Variants in CSNK2A2IP observed in about 807,000 individuals in gnomAD.
The protein encoded by CSNK2A2IP is casein kinase 2 subunit alpha' interacting protein, also known as casein kinase II subunit alpha'-interacting protein.
chr3:88,358,486 T>C, the CSNK2A2IP span, among the ~76,000 whole-genome samples: 1 of 152,080 alleles, frequency 6.6e-6, no homozygotes, highest in Non-Finnish European at 1.5e-5. Context: ...GCCCCCATTG[T>C]TTTGAGGTGT....
At chr3:88,449,874 T>TATATAG in the CSNK2A2IP span, among the ~76,000 whole-genome samples, 61 of 70,108 alleles carry the variant, frequency 8.7e-4, 1 homozygote, top group African/African-American at 2.8e-3. Flanking sequence ...TATATATATA[T>TATATAG]AGAGAGAGAG....
At chr3:88,421,035 T>C in the CSNK2A2IP span, among the ~76,000 whole-genome samples, 1 of 152,166 alleles carries the variant, frequency 6.6e-6, no homozygotes, top group Non-Finnish European at 1.5e-5. Flanking sequence ...TTTAGAACCT[T>C]TCTCATTATC....
the CSNK2A2IP span, among the ~76,000 whole-genome samples, chr3:88,412,399 A>G: frequency 1.0e-3 from 154 of 152,074 alleles, 5 homozygotes; most frequent in African/African-American, 3.6e-3. Flanking sequence ...TCTTCCCTGG[A>G]CAAGGAGAGG....
chr3:88,408,967 A>C, the CSNK2A2IP span, among the ~76,000 whole-genome samples: 2 of 152,044 alleles, frequency 1.3e-5, no homozygotes, highest in African/African-American at 2.4e-5. Flanking sequence ...GAGACCATTG[A>C]AAAGGGGCCC....
chr3:88,463,153 G>GT, the CSNK2A2IP span, among the ~76,000 whole-genome samples: 1 of 152,094 alleles, frequency 6.6e-6, no homozygotes, highest in African/African-American at 2.4e-5. Context: ...GGGTTGGTAA[G>GT]TCATGGAAAC....
chr3:88,345,821 G>A, the CSNK2A2IP span, among the ~76,000 whole-genome samples: 2 of 151,862 alleles, frequency 1.3e-5, no homozygotes, highest in African/African-American at 4.8e-5. Context: ...TCAAATGAAA[G>A]GAAGAGCTGC....
chr3:88,350,545 CTGTCTGT>C, the CSNK2A2IP span, among the ~76,000 whole-genome samples: 1 of 150,584 alleles, frequency 6.6e-6, no homozygotes, highest in African/African-American at 2.4e-5. Context: ...CTTTATTGCA[CTGTCTGT>C]GCAATTGTTG....
chr3:88,466,322 C>T, the CSNK2A2IP span: 5 of 1,231,636 alleles, frequency 4.1e-6, no homozygotes, highest in South Asian at 4.1e-5. Context: ...CAGCTCAATT[C>T]TCAGTCAATG....
the CSNK2A2IP span, among the ~76,000 whole-genome samples, chr3:88,440,838 C>G: frequency 6.6e-6 from 1 of 152,012 alleles, no homozygotes; most frequent in Non-Finnish European, 1.5e-5. Context: ...TACATTCATC[C>G]GGTTACCTCA....
At chr3:88,360,380 G>A in the CSNK2A2IP span, among the ~76,000 whole-genome samples, 4 of 152,124 alleles carry the variant, frequency 2.6e-5, no homozygotes, top group Middle Eastern at 3.4e-3. Flanking sequence ...TGATCCACCC[G>A]CCTCGGCCTC....
At chr3:88,389,959 A>T in the CSNK2A2IP span, among the ~76,000 whole-genome samples, 1 of 152,006 alleles carries the variant, frequency 6.6e-6, no homozygotes, top group Non-Finnish European at 1.5e-5. Context: ...CAAGAAAATC[A>T]CCAGAATAGC....
At chr3:88,459,465 G>A in the CSNK2A2IP span, among the ~76,000 whole-genome samples, 8 of 151,766 alleles carry the variant, frequency 5.3e-5, no homozygotes, top group East Asian at 1.5e-3. Context: ...TCTAAATTAG[G>A]GTTTTAATAA....
chr3:88,448,625 G>C, the CSNK2A2IP span, among the ~76,000 whole-genome samples: 7 of 152,306 alleles, frequency 4.6e-5, no homozygotes, highest in Admixed American at 3.9e-4. Flanking sequence ...TAAATGTTTT[G>C]TGTAGCATTA....
the CSNK2A2IP span, among the ~76,000 whole-genome samples, chr3:88,340,266 G>A: frequency 1.3e-5 from 2 of 151,862 alleles, no homozygotes; most frequent in South Asian, 4.2e-4. Flanking sequence ...TGATTAAATT[G>A]GTTAAGACAC....
chr3:88,463,397 T>C, the CSNK2A2IP span, among the ~76,000 whole-genome samples: 2 of 152,166 alleles, frequency 1.3e-5, no homozygotes, highest in African/African-American at 2.4e-5. Flanking sequence ...GATAGATGCT[T>C]GTATCACTTT....
the CSNK2A2IP span, among the ~76,000 whole-genome samples, chr3:88,452,408 C>T: frequency 1.6e-4 from 24 of 152,086 alleles, no homozygotes; most frequent in African/African-American, 2.7e-4. Flanking sequence ...ATATTCAAAG[C>T]GTGGCCAAGT....
At chr3:88,370,532 C>T in the CSNK2A2IP span, among the ~76,000 whole-genome samples, 1 of 151,544 alleles carries the variant, frequency 6.6e-6, no homozygotes, top group Non-Finnish European at 1.5e-5. Flanking sequence ...TGAAGGGACA[C>T]TTCATGGCCT....
the CSNK2A2IP span, among the ~76,000 whole-genome samples, chr3:88,439,740 C>CAAAAAA: frequency 1.2e-4 from 14 of 119,930 alleles, no homozygotes; most frequent in African/African-American, 3.6e-4. Flanking sequence ...GACTCTGTCT[C>CAAAAAA]AAAAAAAAAA....
chr3:88,376,185 A>G, the CSNK2A2IP span, among the ~76,000 whole-genome samples: 1 of 151,554 alleles, frequency 6.6e-6, no homozygotes, highest in Non-Finnish European at 1.5e-5. Context: ...ATTTCTAAAT[A>G]TTGGTGTGCT....
Sources: allele counts gnomAD v4.1 joint callset (sites outside exome capture counted in the v4.1 genomes callset), GRCh38; gene constraint gnomAD v4.1.1; transcripts MANE v1.5; gene names NCBI Gene and HGNC (gene_info 2026-07-23, HGNC 2026-07-21).